PIK3C2G: variants seen among roughly 807,000 people sequenced by gnomAD.
The protein encoded by PIK3C2G is phosphatidylinositol-4-phosphate 3-kinase catalytic subunit type 2 gamma.
PIK3C2G carries 168 observed loss-of-function variants against 181.1 expected under a neutral mutation model. That is an observed-to-expected ratio of 0.93 (90% CI 0.82 to 1.05). The LOEUF (loss-of-function observed/expected upper bound fraction) is 1.05. Ranked by LOEUF, PIK3C2G falls within the 50% of genes least tolerant of loss-of-function variation. The pLI is 0.00. For missense variants in PIK3C2G, 1,869 were observed against 1,732.8 expected, an observed-to-expected ratio of 1.08 and a Z score of -1.40; for synonymous variants, 573 against 592.2, an observed-to-expected ratio of 0.97 and a Z score of 0.47.
At chr12:18,554,813 G>C (rs1944919323) in intron 26 of PIK3C2G, among the ~76,000 whole-genome samples, 1 of 151,932 alleles carries the variant, frequency 6.6e-6, no homozygotes, top group Admixed American at 6.6e-5. Flanking sequence ...TGCGATAAAA[G>C]AAACTATGAC....
At chr12:18,457,831 G>A (rs1947710499) in intron 18 of PIK3C2G, among the ~76,000 whole-genome samples, 1 of 152,068 alleles carries the variant, frequency 6.6e-6, no homozygotes, top group Admixed American at 6.6e-5. Context: ...AATCTAGAGT[G>A]GGGGTAATCA....
chr12:18,611,267 G>GA (rs1948316648), intron 31 of PIK3C2G, among the ~76,000 whole-genome samples: 1 of 151,900 alleles, frequency 6.6e-6, no homozygotes, highest in Non-Finnish European at 1.5e-5. Flanking sequence ...TAAAAAATGT[G>GA]AAAAAACACT....
At chr12:18,674,712 C>G in the PIK3C2G span, among the ~76,000 whole-genome samples, 1 of 152,138 alleles carries the variant, frequency 6.6e-6, no homozygotes, top group East Asian at 1.9e-4. Flanking sequence ...TGAAGCTAGG[C>G]TGGTCTTTTG....
At chr12:18,617,412 A>G (rs1391765169) in intron 31 of PIK3C2G, among the ~76,000 whole-genome samples, 2 of 152,098 alleles carry the variant, frequency 1.3e-5, no homozygotes, top group Admixed American at 6.6e-5. Context: ...TTTTGCCTAT[A>G]CCATGTATGC....
intron 26 of PIK3C2G, among the ~76,000 whole-genome samples, chr12:18,547,127 A>G (rs1944474362): frequency 6.6e-6 from 1 of 152,008 alleles, no homozygotes; most frequent in Admixed American, 6.6e-5. Context: ...TGTGGTCTTG[A>G]GTCTAATTTT....
rs1021542700 is a variant in PIK3C2G at position 18,447,344 on chromosome 12, C to T, written c.2504+23305C>T. ...AAAGTAACCATGACAGATTTTTGTC[C>T]AGACAGATGTTCAGTGGTTATCTTG... is the stretch of plus-strand genomic sequence containing the variant. On this transcript the variant is annotated intron_variant, in intron 18 of 32. Coordinates refer to ENST00000538779, the MANE Select transcript of PIK3C2G (RefSeq NM_001288772.2). Among the ~76,000 whole-genome samples, 4 of 152,156 alleles carry T rather than the reference C, an allele frequency of 2.6e-5. No homozygotes were observed. In the East Asian group the frequency reaches 7.7e-4, roughly 29 times the overall value.
At chr12:18,502,720 T>C (rs916554884) in intron 22 of PIK3C2G, among the ~76,000 whole-genome samples, 3 of 152,164 alleles carry the variant, frequency 2.0e-5, no homozygotes, top group Admixed American at 6.6e-5. Flanking sequence ...AAATTACTAT[T>C]GTAGTTTCTC....
intron 16 of PIK3C2G, 66 bp from the exon 17 acceptor site, chr12:18,420,875 C>T: frequency 9.8e-6 from 8 of 819,020 alleles, no homozygotes; most frequent in East Asian, 2.5e-5. Context: ...CTCTGTTCTC[C>T]CTGACATGTC....
intron 27 of PIK3C2G, 136 bp downstream of exon 27, chr12:18,563,028 A>C (rs1480423307): frequency 3.0e-6 from 2 of 657,262 alleles, no homozygotes; most frequent in Non-Finnish European, 2.6e-6. Context: ...ATTTAAGCAG[A>C]AGTGTCATTA....
At chr12:18,482,214 G>A (rs1187117267) in intron 18 of PIK3C2G, among the ~76,000 whole-genome samples, 1 of 143,716 alleles carries the variant, frequency 7.0e-6, no homozygotes, top group Non-Finnish European at 1.5e-5. Context: ...TCTAGCTTAG[G>A]AATAGAAGAT....
chr12:18,684,949 A>G, the PIK3C2G span, among the ~76,000 whole-genome samples: 1 of 151,908 alleles, frequency 6.6e-6, no homozygotes, highest in Non-Finnish European at 1.5e-5. Context: ...GCCACATGAA[A>G]AGGTCCAAAT....
chr12:18,300,438 C>A (rs562811183), intron 5 of PIK3C2G, among the ~76,000 whole-genome samples: 16 of 151,916 alleles, frequency 1.1e-4, no homozygotes, highest in African/African-American at 3.9e-4. Flanking sequence ...AGTATAGCTA[C>A]TTCTGCTTAC....
At chr12:18,401,925 G>A (rs1383793854) in intron 16 of PIK3C2G, among the ~76,000 whole-genome samples, 1 of 152,122 alleles carries the variant, frequency 6.6e-6, no homozygotes, top group African/African-American at 2.4e-5. Flanking sequence ...TACCTCTGGT[G>A]GGAATGCAAA....
intron 18 of PIK3C2G, among the ~76,000 whole-genome samples, chr12:18,427,342 A>C (rs921886633): frequency 8.6e-5 from 13 of 151,390 alleles, no homozygotes; most frequent in African/African-American, 3.1e-4. Flanking sequence ...CCCCATTTCT[A>C]CTAAAAATAC....
At chr12:18,606,536 A>C (rs1948033403) in intron 30 of PIK3C2G, among the ~76,000 whole-genome samples, 1 of 152,130 alleles carries the variant, frequency 6.6e-6, no homozygotes, top group African/African-American at 2.4e-5. Context: ...TGCAATTGTA[A>C]AAAACATCCT....
At chr12:18,300,449 T>C (rs917484828) in intron 5 of PIK3C2G, among the ~76,000 whole-genome samples, 2 of 151,756 alleles carry the variant, frequency 1.3e-5, no homozygotes, top group Non-Finnish European at 2.9e-5. Flanking sequence ...TTCTGCTTAC[T>C]TTTGGTTTCT....
upstream of PIK3C2G, among the ~76,000 whole-genome samples, chr12:18,244,665 T>C (rs1948021059): frequency 6.6e-6 from 1 of 152,066 alleles, no homozygotes; most frequent in African/African-American, 2.4e-5. Context: ...AGGTATGTCT[T>C]AGGCACTGCC....
intron 5 of PIK3C2G, among the ~76,000 whole-genome samples, chr12:18,309,874 C>T (rs775821280): frequency 1.3e-5 from 2 of 151,738 alleles, no homozygotes; most frequent in African/African-American, 2.4e-5. Flanking sequence ...ATTATGCCCA[C>T]GCACTTTTGC....
At chr12:18,316,637 T>C (rs1479622400) in intron 6 of PIK3C2G, among the ~76,000 whole-genome samples, 1 of 152,004 alleles carries the variant, frequency 6.6e-6, no homozygotes, top group Non-Finnish European at 1.5e-5. Flanking sequence ...TTGTTTAAAA[T>C]GGATAATACT....
Sources: gnomAD v4.1 joint callset for allele counts (sites outside exome capture counted in the v4.1 genomes callset) on GRCh38, gnomAD v4.1.1 for gene constraint, MANE v1.5 for transcripts, NCBI Gene and HGNC (gene_info 2026-07-23, HGNC 2026-07-21) for gene names.